The following UTRN variants were observed in gnomAD, a reference collection of about 807,000 sequenced individuals.
UTRN encodes utrophin, also known as dystrophin-related protein 1.
UTRN carries 283 observed loss-of-function variants against 463.9 expected under a neutral mutation model. The ratio of observed to expected loss-of-function variants is 0.61; its 90% confidence interval spans 0.55 to 0.67. The LOEUF (loss-of-function observed/expected upper bound fraction) is 0.67, where lower values mean the gene tolerates loss of function less well. UTRN is among the 30% of genes least tolerant of loss of function. The probability of loss-of-function intolerance (pLI) is 0.00; values close to 1 mark genes in which losing one functional copy is unlikely to be tolerated. For synonymous variants in UTRN, 1,442 were observed against 1,431.5 expected (o/e 1.01, Z -0.17); for missense variants, 3,922 against 4,084.3 (o/e 0.96, Z 1.08).
At chr6:144,612,566 T>C (rs1176685753) in intron 51 of UTRN, among the ~76,000 whole-genome samples, 1 of 152,010 alleles carries the variant, frequency 6.6e-6, no homozygotes, top group African/African-American at 2.4e-5. Flanking sequence ...TTCCCAAAAG[T>C]AGATACAGAA....
At chr6:144,331,094 C>T (rs1343472244) in intron 2 of UTRN, 2 of 880,022 alleles carry the variant, frequency 2.3e-6, no homozygotes, top group East Asian at 1.2e-4. Context: ...GCATGACTCT[C>T]CGCCAATAAT....
chr6:144,472,344 A>G (rs2128568325), intron 23 of UTRN, among the ~76,000 whole-genome samples: 1 of 150,538 alleles, frequency 6.6e-6, no homozygotes, highest in East Asian at 1.9e-4. Context: ...GGAAGCCTAG[A>G]TTATTAGATA....
chr6:144,362,581 A>G (rs1779173960), intron 2 of UTRN, among the ~76,000 whole-genome samples: 1 of 152,188 alleles, frequency 6.6e-6, no homozygotes, highest in Non-Finnish European at 1.5e-5. Flanking sequence ...GTGATTAATA[A>G]CTGGATGGGA....
At position 144,589,609 on chromosome 6, in the gene UTRN, A is replaced by G. The variant is rs868170816; in HGVS notation, c.7479+12321A>G. The stretch of plus-strand genomic sequence containing the variant: ...CAGTATAGAAGATATAGAAAGAGAG[A>G]TTACATTAACTAAGTAATAGATATT... On this transcript the variant is annotated intron_variant, in intron 51 of 74. Coordinates refer to ENST00000367545, the MANE Select transcript of UTRN (RefSeq NM_007124.3). 1.3e-5 allele frequency among the ~76,000 whole-genome samples: 2 copies of G among 152,314 alleles called. 1 individual carries two copies. Among genetic ancestry groups the G allele is most frequent in the South Asian group, 4.1e-4 (2 of 4,822 alleles).
At chr6:144,601,218 C>T (rs1052676760) in intron 51 of UTRN, among the ~76,000 whole-genome samples, 4 of 152,116 alleles carry the variant, frequency 2.6e-5, no homozygotes, top group African/African-American at 9.7e-5. Context: ...TTTTGATTTT[C>T]AAGTCTTATT....
At chr6:144,659,979 C>T in intron 51 of UTRN, 1 of 294,994 alleles carries the variant, frequency 3.4e-6, no homozygotes, top group Non-Finnish European at 6.8e-6. Context: ...CCAGGAAATA[C>T]AGAAGCAGGT....
At chr6:144,845,789 C>CTTCTTT (rs1781959339) in intron 73 of UTRN, among the ~76,000 whole-genome samples, 1 of 152,118 alleles carries the variant, frequency 6.6e-6, no homozygotes, top group African/African-American at 2.4e-5. Flanking sequence ...TAGAACTAGG[C>CTTCTTT]TTCTTTTAGC....
At chr6:144,607,604 T>C (rs1429885444) in intron 51 of UTRN, among the ~76,000 whole-genome samples, 2 of 152,216 alleles carry the variant, frequency 1.3e-5, no homozygotes, top group Non-Finnish European at 2.9e-5. Context: ...TTGGGCACTT[T>C]GAAACTTTGA....
chr6:144,420,771 G>A (rs1784765682), intron 3 of UTRN, among the ~76,000 whole-genome samples: 1 of 152,148 alleles, frequency 6.6e-6, no homozygotes, highest in Admixed American at 6.5e-5. Flanking sequence ...CTCCCATAAT[G>A]GAAAGGCTGG....
intron 2 of UTRN, among the ~76,000 whole-genome samples, chr6:144,296,603 A>G (rs1169368504): frequency 6.6e-6 from 1 of 152,232 alleles, no homozygotes; most frequent in African/African-American, 2.4e-5. Flanking sequence ...TTGAACTCAG[A>G]TGATCTGACT....
At chr6:144,820,141 T>C (rs1368253149) in intron 65 of UTRN, among the ~76,000 whole-genome samples, 2 of 146,824 alleles carry the variant, frequency 1.4e-5, no homozygotes, top group Non-Finnish European at 3.0e-5. Flanking sequence ...TGGAGAACAA[T>C]AGTTCATGGG....
intron 51 of UTRN, among the ~76,000 whole-genome samples, chr6:144,608,387 G>C (rs1202139268): frequency 3.3e-5 from 5 of 152,170 alleles, no homozygotes; most frequent in Non-Finnish European, 7.3e-5. Context: ...CAAGGTGGTA[G>C]AATAGAAGTT....
chr6:144,618,617 C>A (rs1775021213), intron 51 of UTRN, among the ~76,000 whole-genome samples: 1 of 151,942 alleles, frequency 6.6e-6, no homozygotes, highest in African/African-American at 2.4e-5. Context: ...AAAAATGAGC[C>A]CCATTTTAAT....
intron 2 of UTRN, among the ~76,000 whole-genome samples, chr6:144,383,200 G>A (rs1781089940): frequency 6.6e-6 from 1 of 152,104 alleles, no homozygotes; most frequent in Admixed American, 6.5e-5. Flanking sequence ...CCAAAGTGTT[G>A]GGATTACAGA....
At chr6:144,525,163 C>G (rs1188030597) in intron 41 of UTRN, among the ~76,000 whole-genome samples, 1 of 151,984 alleles carries the variant, frequency 6.6e-6, no homozygotes, top group African/African-American at 2.4e-5. Context: ...TTGTTATGTC[C>G]TTTCCTGGTT....
intron 23 of UTRN, among the ~76,000 whole-genome samples, chr6:144,466,776 C>A (rs1308680886): frequency 6.6e-6 from 1 of 152,160 alleles, no homozygotes; most frequent in East Asian, 1.9e-4. Flanking sequence ...CTTCCTTTTC[C>A]TTATTCAAGA....
chr6:144,792,129 C>T (rs568909781), intron 62 of UTRN, among the ~76,000 whole-genome samples: 11 of 152,240 alleles, frequency 7.2e-5, no homozygotes, highest in African/African-American at 2.6e-4. Context: ...AATTTGCTTT[C>T]CCTATGTATG....
intron 53 of UTRN, among the ~76,000 whole-genome samples, chr6:144,710,171 A>T (rs978320286): frequency 6.6e-6 from 1 of 152,224 alleles, no homozygotes; most frequent in Non-Finnish European, 1.5e-5. Flanking sequence ...TTCGCCTTAG[A>T]ATAGGGATAT....
intron 25 of UTRN, 32 bp from the exon 26 acceptor site, chr6:144,479,780 G>T (rs751844107): frequency 6.3e-7 from 1 of 1,593,624 alleles, no homozygotes; most frequent in Admixed American, 1.8e-5. Flanking sequence ...ATTAACATTT[G>T]TTTATTTGGG....
Sources: gnomAD v4.1 joint callset for allele counts (sites outside exome capture counted in the v4.1 genomes callset) on GRCh38, gnomAD v4.1.1 for gene constraint, MANE v1.5 for transcripts, NCBI Gene and HGNC (gene_info 2026-07-23, HGNC 2026-07-21) for gene names.